The following B4GALT5 variants were observed in gnomAD, a reference collection of about 807,000 sequenced individuals.
B4GALT5 encodes the protein UDP-Gal:beta-GlcNAc beta-1,4-galactosyltransferase 5.
B4GALT5 carries 11 observed loss-of-function variants against 45.0 expected under a neutral mutation model. The ratio of observed to expected loss-of-function variants is 0.24; its 90% confidence interval spans 0.15 to 0.40. B4GALT5 has a LOEUF of 0.40. B4GALT5 is among the 10% of genes least tolerant of loss of function. The pLI is 1.00. For missense variants in B4GALT5, 337 were observed against 500.2 expected, an observed-to-expected ratio of 0.67 and a Z score of 3.11; for synonymous variants, 185 against 182.9, an observed-to-expected ratio of 1.01 and a Z score of -0.09.
At position 49,659,476 on chromosome 20, in the gene B4GALT5, A is replaced by G. The variant is rs115325286; in HGVS notation, c.116-2774T>C. Among the ~76,000 whole-genome samples the G allele has an allele frequency of 1.2e-3, 178 of 152,334 alleles. 1 individual carries two copies. The highest frequency in any genetic ancestry group is 4.0e-3 in the African/African-American group (165 of 41,572). ...TGTTTCCATGTTGACTTAATTCACT[A>G]ACAACTGTCTCGTGTTAGTCTCGTC... is the stretch of plus-strand genomic sequence containing the variant. On this transcript the variant is annotated intron_variant, in intron 1 of 8. Coordinates refer to ENST00000371711, the MANE Select transcript of B4GALT5 (RefSeq NM_004776.4).
intron 2 of B4GALT5, among the ~76,000 whole-genome samples, chr20:49,652,705 C>T (rs1183057989): frequency 6.6e-6 from 1 of 152,208 alleles, no homozygotes. Flanking sequence ...CAGACCCCAT[C>T]CCCAAAAGTC....
At chr20:49,687,627 G>C (rs6012715) in intron 1 of B4GALT5, among the ~76,000 whole-genome samples, 57 of 152,206 alleles carry the variant, frequency 3.7e-4, no homozygotes, top group African/African-American at 1.3e-3. Flanking sequence ...CTGGGTAACA[G>C]AGCAAGACTC....
chr20:49,642,504 G>A lies in B4GALT5; in HGVS notation c.570C>T (p.Arg190=). ...CATAAAATGCAAACTGCAAGCGCTGGCGCTGGAGCATGGGAAGCAGGTGTC... is the reference window on the plus strand; with the variant it reads ...CATAAAATGCAAACTGCAAGCGCTGACGCTGGAGCATGGGAAGCAGGTGTC... ...LFRHLLPMLQ[R]QRLQFAFYVV... The change falls in exon 5 of 9, where the codon CGC becomes CGT. Residue 190 remains arginine, a synonymous_variant. Transcript: ENST00000371711. 1 of 1,614,172 alleles carries A rather than the reference G, an allele frequency of 6.2e-7. No individual in the cohort carries two copies. The highest frequency in any genetic ancestry group is 1.1e-5 in the South Asian group (1 of 91,078).
At chr20:49,642,115 G>T (rs2085579733) in intron 5 of B4GALT5, among the ~76,000 whole-genome samples, 1 of 152,134 alleles carries the variant, frequency 6.6e-6, no homozygotes, top group Non-Finnish European at 1.5e-5. Context: ...CAAGCACTGA[G>T]GTCTCTTGAC....
In B4GALT5 at chr20:49,633,958, G is replaced by T. The variant is rs1984442146; in HGVS notation, c.*2354C>A. 1 of 152,474 alleles carries T rather than the reference G, an allele frequency of 6.6e-6. No individual in the cohort carries two copies. The highest frequency in any genetic ancestry group is 1.5e-5 in the Non-Finnish European group (1 of 68,008). 9.4% of individuals were successfully genotyped at this position (152,474 alleles called of 1,614,324 possible). On this transcript the variant is annotated 3_prime_UTR_variant, in exon 9 of 9. Transcript: ENST00000371711. The stretch of plus-strand genomic sequence containing the variant: ...GGGGATGGGGGTTGCAGGGTGGAGG[G>T]GGGTCTTTATTGCTATATGCACCAT...
In B4GALT5 at chr20:49,653,936, G is replaced by A. The variant is rs77814738; in HGVS notation, c.250+2632C>T. ...CAAAGACAGCAACTCAGGAAGTAGC[G>A]CAATCCTGTGTTGCCAGACCGGCAG... On this transcript the variant is annotated intron_variant, in intron 2 of 8. Transcript: ENST00000371711. 9.4e-3 allele frequency among the ~76,000 whole-genome samples: 1,424 copies of A among 152,258 alleles called. 24 individuals carry two copies. Among genetic ancestry groups the A allele is most frequent in the African/African-American group, 0.032 (1,321 of 41,524 alleles).
At chr20:49,688,706 A>C (rs1364034800) in intron 1 of B4GALT5, among the ~76,000 whole-genome samples, 1 of 152,196 alleles carries the variant, frequency 6.6e-6, no homozygotes, top group African/African-American at 2.4e-5. Flanking sequence ...TGGGAGGCCA[A>C]GCCAGGCAGA....
At chr20:49,695,638 C>T (rs1229228235) in intron 1 of B4GALT5, among the ~76,000 whole-genome samples, 1 of 152,000 alleles carries the variant, frequency 6.6e-6, no homozygotes, top group Non-Finnish European at 1.5e-5. Context: ...CTTGAACTCC[C>T]GACCTCAGGT....
At chr20:49,694,897 G>A (rs947509199) in intron 1 of B4GALT5, among the ~76,000 whole-genome samples, 1 of 151,818 alleles carries the variant, frequency 6.6e-6, no homozygotes, top group Non-Finnish European at 1.5e-5. Flanking sequence ...TCACCAAGTG[G>A]GTGCCACACA....
chr20:49,667,259 TTG>T (rs1555812358), intron 1 of B4GALT5, among the ~76,000 whole-genome samples: 4 of 150,476 alleles, frequency 2.7e-5, no homozygotes, highest in African/African-American at 4.9e-5. Flanking sequence ...TGTGTTGTTG[TTG>T]TTTTTTTTGA....
At chr20:49,706,742 CTGTT>C (rs1555815103) in intron 1 of B4GALT5, among the ~76,000 whole-genome samples, 2 of 152,168 alleles carry the variant, frequency 1.3e-5, no homozygotes, top group Non-Finnish European at 2.9e-5. Flanking sequence ...TTACGATTAT[CTGTT>C]TGTCTTAGCC....
chr20:49,655,339 G>A (rs1231259649), intron 2 of B4GALT5, among the ~76,000 whole-genome samples: 1 of 151,958 alleles, frequency 6.6e-6, no homozygotes, highest in South Asian at 2.1e-4. Flanking sequence ...GCTGAGGCAG[G>A]AGAATCAGTT....
chr20:49,659,813 TTC>T (rs1485591593), intron 1 of B4GALT5, among the ~76,000 whole-genome samples: 8 of 150,828 alleles, frequency 5.3e-5, no homozygotes, highest in African/African-American at 2.0e-4. Context: ...TTTTCTTTTT[TTC>T]TTTTTTTTTT....
At chr20:49,713,015 T>C (rs1032259902) in intron 1 of B4GALT5, among the ~76,000 whole-genome samples, 5 of 124,204 alleles carry the variant, frequency 4.0e-5, no homozygotes, top group Admixed American at 3.7e-4. Flanking sequence ...ATAGGGGAAG[T>C]AGAGGAAGAA....
At chr20:49,692,822 CA>C (rs777649577) in intron 1 of B4GALT5, among the ~76,000 whole-genome samples, 3 of 151,760 alleles carry the variant, frequency 2.0e-5, no homozygotes, top group African/African-American at 4.8e-5. Context: ...TTACACACAC[CA>C]AAAAAAATTA....
In B4GALT5 at chr20:49,712,842, G is replaced by GC. The variant is rs1171590581; in HGVS notation, c.115+733_115+734insG. On this transcript the variant is annotated intron_variant, in intron 1 of 8. Coordinates refer to ENST00000371711, the MANE Select transcript of B4GALT5 (RefSeq NM_004776.4). ...GCCCTTGTGGGTACGCGAGGTGGGGGGGGGGGAGATGGGGAAGAGGCATGG... is the reference window on the plus strand; with the variant it reads ...GCCCTTGTGGGTACGCGAGGTGGGGGCGGGGGGAGATGGGGAAGAGGCATGG... Among the ~76,000 whole-genome samples, 53 of 149,104 alleles carry GC rather than the reference G, an allele frequency of 3.6e-4. 3 individuals carry two copies. The highest frequency in any genetic ancestry group is 6.1e-4 in the Non-Finnish European group (41 of 66,996).
intron 8 of B4GALT5, among the ~76,000 whole-genome samples, chr20:49,636,981 G>A (rs2085556782): frequency 1.3e-5 from 2 of 151,206 alleles, no homozygotes; most frequent in African/African-American, 4.9e-5. Context: ...CCAGACAGAA[G>A]CTCAGGACAC....
chr20:49,663,656 T>C (rs1411019682), intron 1 of B4GALT5, among the ~76,000 whole-genome samples: 6 of 101,890 alleles, frequency 5.9e-5, no homozygotes, highest in African/African-American at 2.0e-4. Flanking sequence ...CAGAGCAACA[T>C]AGTGAGAATT....
At chr20:49,643,467 G>C in intron 4 of B4GALT5, 59 bp downstream of exon 4, 1 of 1,600,338 alleles carries the variant, frequency 6.2e-7, no homozygotes, top group Non-Finnish European at 8.5e-7. Context: ...TGGTGATTCG[G>C]ACCAAAGGCA....
Sources: gnomAD v4.1 joint callset for allele counts (sites outside exome capture counted in the v4.1 genomes callset) on GRCh38, gnomAD v4.1.1 for gene constraint, MANE v1.5 for transcripts, NCBI Gene and HGNC (gene_info 2026-07-23, HGNC 2026-07-21) for gene names.